DNAJA4: variants seen among roughly 807,000 people sequenced by gnomAD.
DNAJA4 encodes the protein DnaJ heat shock protein family (Hsp40) member A4.
Under a neutral mutation model 39.7 loss-of-function variants are expected in DNAJA4, and 32 were observed. The observed-to-expected ratio is 0.81, with a 90% CI of 0.61 to 1.08. The LOEUF (loss-of-function observed/expected upper bound fraction) is 1.08, where lower values mean the gene tolerates loss of function less well. Ranked by LOEUF, DNAJA4 falls within the 50% of genes least tolerant of loss-of-function variation. The pLI, the probability that DNAJA4 is intolerant of heterozygous loss-of-function variation, is 0.00. For synonymous variants in DNAJA4, 184 were observed against 182.4 expected (o/e 1.01, Z -0.07); for missense variants, 439 against 505.1 (o/e 0.87, Z 1.25).
At chr15:78,268,539 C>T (rs957055456) in intron 1 of DNAJA4, among the ~76,000 whole-genome samples, 7 of 152,176 alleles carry the variant, frequency 4.6e-5, no homozygotes, top group South Asian at 2.1e-4. Context: ...CTTGTTCTCT[C>T]TCTCAAATTC....
intron 4 of DNAJA4, 31 bp downstream of exon 4, chr15:78,274,455 G>T (rs1011148965): frequency 1.9e-6 from 3 of 1,598,758 alleles, no homozygotes; most frequent in Non-Finnish European, 2.6e-6. Context: ...TGCTCCACAC[G>T]GGCTGGAAAT....
At chr15:78,265,920 G>T (rs1339850740) in intron 1 of DNAJA4, 3 of 591,108 alleles carry the variant, frequency 5.1e-6, no homozygotes, top group Non-Finnish European at 6.0e-6. Flanking sequence ...TGTGTTAGTT[G>T]TTCCAAGCTG....
intron 1 of DNAJA4, chr15:78,266,156 A>C: frequency 6.9e-7 from 1 of 1,453,056 alleles, no homozygotes; most frequent in East Asian, 2.3e-5. Context: ...CCTGCTCCCT[A>C]CATTCATTGT....
chr15:78,275,520 A>G lies in DNAJA4; in HGVS notation c.669A>G (p.Ile223Met), dbSNP rs760020416. Residue 223 changes from isoleucine (I) to methionine (M), a missense_variant, in exon 5 of 7, where the codon ATA (isoleucine) becomes ATG (methionine). Physicochemically the swap from Ile to Met is conservative, Grantham distance 10. Transcript: ENST00000394852. ...VEKGMKDGQKILFHGEGDQEP... is the reference protein window; with the variant it reads ...VEKGMKDGQKMLFHGEGDQEP... The stretch of plus-strand genomic sequence containing the variant: ...TAGGTATGAAAGATGGGCAAAAGAT[A>G]CTATTTCATGGAGAAGGAGATCAGG... 2.5e-6 allele frequency: 4 copies of G among 1,614,054 alleles called. No individual in the cohort carries two copies. The highest frequency in any genetic ancestry group is 2.5e-6 in the Non-Finnish European group (3 of 1,179,890).
intron 5 of DNAJA4, 119 bp downstream of exon 5, chr15:78,275,847 A>G (rs983646442): frequency 2.8e-6 from 2 of 709,020 alleles, no homozygotes; most frequent in Non-Finnish European, 4.6e-6. Context: ...GGTGCATGTG[A>G]TACTTTGTCC....
chr15:78,274,572 C>A (rs1470170042), intron 4 of DNAJA4, 148 bp downstream of exon 4: 3 of 709,792 alleles, frequency 4.2e-6, no homozygotes, highest in Non-Finnish European at 7.2e-6. Context: ...TCCCAGTCTT[C>A]TCTTCACCCT....
upstream of DNAJA4, chr15:78,264,452 G>A (rs1045018494): frequency 7.5e-7 from 1 of 1,326,402 alleles, no homozygotes; most frequent in East Asian, 3.1e-5. Flanking sequence ...ACCCGCCGCG[G>A]GGCCGCCGGA....
rs2049068035 is a variant in DNAJA4 at position 78,264,673 on chromosome 15, G to A, written c.-91G>A. The A allele has an allele frequency of 9.8e-7, 1 of 1,025,224 alleles. No individual in the cohort carries two copies. Among genetic ancestry groups the A allele is most frequent in the Non-Finnish European group, 1.2e-6 (1 of 854,122 alleles). The allele number at this position is 1,025,224 out of a possible 1,614,324, so 63.5% of individuals were successfully genotyped here. A position where few individuals can be genotyped will look rare whatever the true frequency, so the allele number is the denominator to read the frequency against. On this transcript the variant is annotated 5_prime_UTR_variant, in exon 1 of 7. Transcript: ENST00000394852. ...TGACCGTGACGCGCGAGCGGGCGGCGGGGGCGCGGGCCAGGGGCGCGGGCC... is the reference window on the plus strand; with the variant it reads ...TGACCGTGACGCGCGAGCGGGCGGCAGGGGCGCGGGCCAGGGGCGCGGGCC...
chr15:78,274,687 A>T (rs984706055), intron 4 of DNAJA4: 2 of 489,536 alleles, frequency 4.1e-6, no homozygotes, highest in Non-Finnish European at 7.5e-6. Context: ...TAACGCTCTG[A>T]AAGTCTTACC....
At chr15:78,266,125 A>G (rs1015129305) in intron 1 of DNAJA4, 10 of 1,056,402 alleles carry the variant, frequency 9.5e-6, no homozygotes, top group African/African-American at 8.0e-5. Flanking sequence ...GGCGTTTTAC[A>G]TGGTGCTGGT....
intron 1 of DNAJA4, among the ~76,000 whole-genome samples, chr15:78,267,176 G>GTGTA (rs59031444): frequency 0.46 from 55,323 of 120,568 alleles, 10,715 homozygotes; most frequent in Middle Eastern, 0.54. Context: ...GTGTGTGAGT[G>GTGTA]TGTGAGTGTG....
At position 78,280,073 on chromosome 15, in the gene DNAJA4, AT is replaced by A; in HGVS notation, c.907del (p.Cys303AlafsTer19). 1.2e-6 allele frequency: 2 copies of A among 1,614,232 alleles called. No homozygotes were observed. Among genetic ancestry groups the A allele is most frequent in the Non-Finnish European group, 1.7e-6 (2 of 1,180,034 alleles). On this transcript the variant is annotated frameshift_variant, in exon 6 of 7. Transcript: ENST00000394852. LOFTEE classifies it high-confidence loss of function. ...AGGTGATAAAGCACGGGGACCTGAG[AT>A]GCGTGCGCGATGAAGGAATGCCCAT... Reference protein sequence around the residue: ...GEVIKHGDLRCVRDEGMPIYK... With the variant: ...GEVIKHGDLRXVRDEGMPIYK...
In DNAJA4 at chr15:78,280,393, AGCACAGG is replaced by A; in HGVS notation, c.1129_1135del (p.His377ArgfsTer31). On this transcript the variant is annotated frameshift_variant, in exon 7 of 7. Transcript: ENST00000394852. LOFTEE classifies it high-confidence loss of function. Reference sequence around the variant, plus strand: ...TGTCCCAATGAGCAGAACTGGCGTCAGCACAGGGAGGCCTACGAGGAGGACGAAGACG... The same window carrying A: ...TGTCCCAATGAGCAGAACTGGCGTCAGAGGCCTACGAGGAGGACGAAGACG... 6.2e-7 allele frequency: 1 copy of A among 1,614,180 alleles called. No homozygotes were observed.
chr15:78,277,967 T>C (rs549865888), intron 5 of DNAJA4: 2 of 443,712 alleles, frequency 4.5e-6, no homozygotes, highest in Admixed American at 2.6e-5. Context: ...CCCTCTCTTT[T>C]CTTCACCCCT....
chr15:78,266,278 C>G (rs763291658), intron 1 of DNAJA4: 1 of 1,613,978 alleles, frequency 6.2e-7, no homozygotes, highest in South Asian at 1.1e-5. Flanking sequence ...CAGGTCAAAT[C>G]TCAGCACTCA....
chr15:78,266,235 C>T (rs2049119177), intron 1 of DNAJA4: 1 of 1,613,550 alleles, frequency 6.2e-7, no homozygotes, highest in African/African-American at 1.3e-5. Context: ...AGCAAGCTGG[C>T]TAAAGACATG....
intron 2 of DNAJA4, 81 bp downstream of exon 2, chr15:78,270,758 T>C (rs891892272): frequency 6.7e-7 from 1 of 1,490,394 alleles, no homozygotes; most frequent in Non-Finnish European, 9.1e-7. Context: ...TAGATCATGC[T>C]TTAAAAGGAT....
upstream of DNAJA4, chr15:78,264,443 C>G (rs2049057093): frequency 6.0e-6 from 8 of 1,328,056 alleles, no homozygotes; most frequent in African/African-American, 1.5e-5. Flanking sequence ...GGGCCGCGAA[C>G]CCGCCGCGGG....
chr15:78,274,627 G>C (rs1378250528), intron 4 of DNAJA4: 1 of 599,428 alleles, frequency 1.7e-6, no homozygotes, highest in African/African-American at 1.9e-5. Context: ...AAGTGTTCTT[G>C]CTGAGGTTTA....
Sources: allele counts gnomAD v4.1 joint callset (sites outside exome capture counted in the v4.1 genomes callset), GRCh38; gene constraint gnomAD v4.1.1; transcripts MANE v1.5; gene names NCBI Gene and HGNC (gene_info 2026-07-23, HGNC 2026-07-21).